NDUFAF6: variants seen among roughly 807,000 people sequenced by gnomAD.
The protein encoded by NDUFAF6 is NADH:ubiquinone oxidoreductase complex assembly factor 6.
A neutral mutation model predicts 40.8 loss-of-function variants in NDUFAF6; 45 were observed. The observed-to-expected ratio is 1.10, with a 90% CI of 0.87 to 1.42. NDUFAF6 has a LOEUF of 1.42. Among genes scored for constraint, NDUFAF6 ranks in the 40% most tolerant of loss-of-function variants. NDUFAF6 has a pLI of 0.00. For synonymous variants in NDUFAF6, 185 were observed against 155.9 expected, an observed-to-expected ratio of 1.19 and a Z score of -1.39; for missense variants, 435 against 418.5, an observed-to-expected ratio of 1.04 and a Z score of -0.34.
chr8:94,979,325 A>C (rs1008043290), intron 1 of NDUFAF6, among the ~76,000 whole-genome samples: 1 of 152,102 alleles, frequency 6.6e-6, no homozygotes, highest in African/African-American at 2.4e-5. Context: ...GGAGGTGAGG[A>C]CCTGGGGCTT....
Position 95,045,620 on chromosome 8 carries a change from C to A in NDUFAF6, c.553C>A (p.Leu185Ile). 1 of 1,613,168 alleles carries A rather than the reference C, an allele frequency of 6.2e-7. No homozygotes were observed. The highest frequency in any genetic ancestry group is 1.1e-5 in the South Asian group (1 of 91,056). The part of the protein sequence containing the change: ...ENYAENTQSS[L>I]LYLTLEILGI... ...TTATGCTGAAAACACACAGAGCTCT[C>A]TTCTTTACTTAACACTAGAAATATT... is the stretch of plus-strand genomic sequence containing the variant. The change falls in exon 5 of 9, where the codon CTT (leucine) becomes ATT (isoleucine). Residue 185 changes from leucine (L) to isoleucine (I), a missense_variant. Physicochemically the swap from Leu to Ile is conservative, Grantham distance 5 (BLOSUM62 2). Transcript: ENST00000396124.
chr8:95,063,973 A>T (rs1055195470), intron 9 of NDUFAF6, among the ~76,000 whole-genome samples: 2 of 148,056 alleles, frequency 1.4e-5, no homozygotes, highest in African/African-American at 5.0e-5. Context: ...CAGGGTTCAC[A>T]CCATTCTCCT....
rs112531280 is a variant in NDUFAF6 at position 94,974,084 on chromosome 8, A to G, written c.-198-6775A>G. On this transcript the variant is annotated intron_variant, in intron 1 of 9. Transcript: ENST00000396111. ...AGCCACTCAGCCAGTCCTCAAGGTT[A>G]GAGCAGGAACATCATACCACCCTGC... Among the ~76,000 whole-genome samples, 318 of 152,296 alleles carry G rather than the reference A, an allele frequency of 2.1e-3. 1 individual carries two copies. The highest frequency in any genetic ancestry group is 3.0e-3 in the Non-Finnish European group (202 of 68,022).
chr8:95,099,161 T>C (rs1009228078), upstream of NDUFAF6, among the ~76,000 whole-genome samples: 4 of 151,338 alleles, frequency 2.6e-5, no homozygotes, highest in East Asian at 7.8e-4. Flanking sequence ...AATTGCTTGA[T>C]CCCAGGATGT....
chr8:95,017,226 C>T (rs1323674574), intron 2 of NDUFAF6, among the ~76,000 whole-genome samples: 1 of 151,494 alleles, frequency 6.6e-6, no homozygotes, highest in Non-Finnish European at 1.5e-5. Flanking sequence ...CAGGCATGAG[C>T]CACCACGCCC....
At chr8:95,026,793 A>C (rs1828196795) in intron 1 of NDUFAF6, among the ~76,000 whole-genome samples, 3 of 152,212 alleles carry the variant, frequency 2.0e-5, no homozygotes, top group Admixed American at 2.0e-4. Flanking sequence ...TACACCTGTA[A>C]TCTCAGCATT....
chr8:94,905,453 G>A (rs1301202582), intron 1 of NDUFAF6, among the ~76,000 whole-genome samples: 1 of 152,108 alleles, frequency 6.6e-6, no homozygotes, highest in African/African-American at 2.4e-5. Flanking sequence ...CTCTGTTGTA[G>A]TGAGAGGCCT....
rs574522180 is a variant in NDUFAF6 at position 94,980,447 on chromosome 8, T to G, written c.-198-412T>G. Among the ~76,000 whole-genome samples the G allele has an allele frequency of 3.1e-3, 450 of 142,950 alleles. 3 individuals are homozygous for G. Among genetic ancestry groups the G allele is most frequent in the South Asian group, 0.011 (49 of 4,464 alleles). The allele number at this position is 142,950 out of a possible 152,430, so 93.8% of individuals were successfully genotyped here. ...CTGTCAACTGTGGTTTTTTTGTTTT[T>G]TTTTTTTTTTTTTTTGAGACAGAGT... On this transcript the variant is annotated intron_variant, in intron 1 of 9. Coordinates refer to the NDUFAF6 transcript ENST00000396111.
rs1356596351 is a variant in NDUFAF6, at chr8:95,109,820, G to A, written n.345-5716G>A. ...GATAAGGAAACTGAAATTCAGATTG[G>A]TAAAGTGAAAATGACTTATCCGAGA... On this transcript the variant is annotated intron_variant and non_coding_transcript_variant, in intron 4 of 5. Transcript: ENST00000523184. Among the ~76,000 whole-genome samples, 6 of 152,270 alleles carry A rather than the reference G, an allele frequency of 3.9e-5. No homozygotes were observed. The East Asian group carries it at 1.2e-3, about 29-fold the overall frequency.
At chr8:95,042,435 G>T (rs551677126) in intron 4 of NDUFAF6, among the ~76,000 whole-genome samples, 1 of 152,302 alleles carries the variant, frequency 6.6e-6, no homozygotes, top group South Asian at 2.1e-4. Flanking sequence ...CTATTTTCAG[G>T]TGTCATCTTT....
intron 2 of NDUFAF6, among the ~76,000 whole-genome samples, chr8:94,994,091 T>A (rs527313065): frequency 6.6e-6 from 1 of 152,206 alleles, no homozygotes; most frequent in African/African-American, 2.4e-5. Flanking sequence ...ATACTCACTC[T>A]CTCCCCTGCC....
intron 2 of NDUFAF6, among the ~76,000 whole-genome samples, chr8:95,092,128 G>C (rs943129965): frequency 1.3e-5 from 2 of 150,646 alleles, no homozygotes; most frequent in Non-Finnish European, 2.9e-5. Flanking sequence ...GTCTTCTGCT[G>C]TCTCTAAATG....
chr8:95,046,955 T>C, intron 5 of NDUFAF6, 39 bp from the exon 6 acceptor site: 1 of 1,613,156 alleles, frequency 6.2e-7, no homozygotes, highest in Non-Finnish European at 8.5e-7. Flanking sequence ...TATTATGCAC[T>C]TAGAATAGAG....
intron 2 of NDUFAF6, among the ~76,000 whole-genome samples, chr8:95,101,512 C>T (rs1442157246): frequency 6.6e-6 from 1 of 152,118 alleles, no homozygotes; most frequent in Non-Finnish European, 1.5e-5. Context: ...CTGGAAGGCT[C>T]TTCCTCATGC....
chr8:95,073,375 G>A (rs1832934225), intron 9 of NDUFAF6, among the ~76,000 whole-genome samples: 1 of 152,222 alleles, frequency 6.6e-6, no homozygotes, highest in Non-Finnish European at 1.5e-5. Flanking sequence ...TCAGCAAGAT[G>A]AGGCCGAGTA....
downstream of NDUFAF6, among the ~76,000 whole-genome samples, chr8:95,059,270 A>C (rs1025852728): frequency 1.3e-5 from 2 of 152,114 alleles, no homozygotes; most frequent in African/African-American, 4.8e-5. Context: ...ATTAGTGCCT[A>C]CTTAAATTGT....
At chr8:95,098,281 C>G (rs1040145384), upstream of NDUFAF6, among the ~76,000 whole-genome samples, 1 of 152,032 alleles carries the variant, frequency 6.6e-6, no homozygotes, top group Non-Finnish European at 1.5e-5. Context: ...GCCTGTAATC[C>G]CAGCACTTTG....
chr8:95,044,974 T>C (rs1830570030), intron 4 of NDUFAF6, among the ~76,000 whole-genome samples: 1 of 152,180 alleles, frequency 6.6e-6, no homozygotes, highest in Admixed American at 6.5e-5. Context: ...GGTTTCTTTT[T>C]AGGGGATGAG....
At chr8:95,021,188 G>T (rs1827678746), upstream of NDUFAF6, among the ~76,000 whole-genome samples, 1 of 152,166 alleles carries the variant, frequency 6.6e-6, no homozygotes, top group African/African-American at 2.4e-5. Context: ...CATTTGCCAG[G>T]ACTGTCCTCT....
Sources: allele counts gnomAD v4.1 joint callset (sites outside exome capture counted in the v4.1 genomes callset), GRCh38; gene constraint gnomAD v4.1.1; transcripts MANE v1.5; gene names NCBI Gene and HGNC (gene_info 2026-07-23, HGNC 2026-07-21).